TMEM60: variants seen among roughly 807,000 people sequenced by gnomAD.
TMEM60 encodes chromosome 7 open reading frame 35.
A neutral mutation model predicts 10.7 loss-of-function variants in TMEM60; 4 were observed. The observed-to-expected ratio is 0.37, with a 90% confidence interval of 0.18 to 0.86. The LOEUF (loss-of-function observed/expected upper bound fraction) is 0.86, where lower values mean the gene tolerates loss of function less well. Ranked by LOEUF, TMEM60 falls within the 40% of genes least tolerant of loss-of-function variation. The probability of loss-of-function intolerance (pLI) is 0.43; values close to 1 mark genes in which losing one functional copy is unlikely to be tolerated. For synonymous variants in TMEM60, 56 were observed against 58.1 expected, an observed-to-expected ratio of 0.96 and a Z score of 0.17; for missense variants, 128 against 153.4, an observed-to-expected ratio of 0.83 and a Z score of 0.88.
chr7:77,796,670 G>A (rs925719531), intron 1 of TMEM60, among the ~76,000 whole-genome samples: 13 of 152,034 alleles, frequency 8.6e-5, no homozygotes, highest in Non-Finnish European at 1.8e-4. Context: ...AGATGAGAGA[G>A]GATACTTGAT....
chr7:77,796,161 C>G (rs1205273723), intron 1 of TMEM60, among the ~76,000 whole-genome samples: 23 of 152,240 alleles, frequency 1.5e-4, no homozygotes. Context: ...TGATCTCGAA[C>G]TCCTGACCTC....
intron 1 of TMEM60, among the ~76,000 whole-genome samples, chr7:77,795,874 G>C (rs1792162605): frequency 1.3e-5 from 2 of 151,708 alleles, no homozygotes; most frequent in Non-Finnish European, 2.9e-5. Flanking sequence ...ATATGACTTA[G>C]TGTTGCTCTA....
rs1423959607 is a variant in TMEM60, at chr7:77,793,811, C to T, written c.*161G>A. 2.8e-6 allele frequency: 2 copies of T among 704,454 alleles called. No individual in the cohort carries two copies. The highest frequency in any genetic ancestry group is 3.7e-5 in the African/African-American group (2 of 54,390). The allele number at this position is 704,454 out of a possible 1,614,324, so 43.6% of individuals were successfully genotyped here. ...GCTGAATAATTAAGCTGTAGGTTGA[C>T]TAGAAGTCCGTGATTCACCAATCCT... On this transcript the variant is annotated 3_prime_UTR_variant, in exon 2 of 2. Transcript: ENST00000257663.
chr7:77,797,828 A>C (rs1054412720), intron 1 of TMEM60, among the ~76,000 whole-genome samples: 7 of 152,118 alleles, frequency 4.6e-5, no homozygotes, highest in Non-Finnish European at 7.4e-5. Context: ...CCTCATCCCA[A>C]AGATAATTTT....
At chr7:77,794,530 G>A (rs1792148091) in intron 1 of TMEM60, 107 bp from the exon 2 acceptor site, 1 of 674,818 alleles carries the variant, frequency 1.5e-6, no homozygotes, top group Non-Finnish European at 2.2e-6. Context: ...TCCTAATTTT[G>A]AAAACATTCT....
Position 77,794,194 on chromosome 7 carries a change from C to A in TMEM60, c.180G>T (p.Arg60=). Reference sequence around the variant, plus strand: ...GTCGAGGGTCAAAGCCAGACTTACACCGCCCAGCCATTTTCACAATCAGCA... The same window carrying A: ...GTCGAGGGTCAAAGCCAGACTTACAACGCCCAGCCATTTTCACAATCAGCA... ...LVLLIVKMAG[R]CKSGFDPRHG... Residue 60 remains arginine, a synonymous_variant, in exon 2 of 2, where the codon CGG becomes CGT. Transcript: ENST00000257663. The A allele has an allele frequency of 6.2e-7, 1 of 1,613,664 alleles. No homozygotes were observed. The highest frequency in any genetic ancestry group is 8.5e-7 in the Non-Finnish European group (1 of 1,179,892).
At chr7:77,794,966 G>T (rs1792152590) in intron 1 of TMEM60, among the ~76,000 whole-genome samples, 1 of 152,070 alleles carries the variant, frequency 6.6e-6, no homozygotes, top group Admixed American at 6.6e-5. Flanking sequence ...GACCAGCCAG[G>T]GCAAGAGTGA....
chr7:77,794,157 T>C lies in TMEM60; in HGVS notation c.217A>G (p.Asn73Asp). The stretch of plus-strand genomic sequence containing the variant: ...AGGTACCAGGCTTTTTTTTTAATAT[T>C]GTGTGATCCATGTCGAGGGTCAAAG... ...SGFDPRHGSHNIKKKAWYLIA... is the reference protein window; with the variant it reads ...SGFDPRHGSHDIKKKAWYLIA... Residue 73 changes from asparagine to aspartate, a missense_variant, in exon 2 of 2, where the codon AAT (asparagine) becomes GAT (aspartate). Coordinates refer to ENST00000257663, the MANE Select transcript of TMEM60 (RefSeq NM_032936.4). 1.2e-6 allele frequency: 2 copies of C among 1,613,342 alleles called. No individual in the cohort carries two copies. The highest frequency in any genetic ancestry group is 1.7e-6 in the Non-Finnish European group (2 of 1,179,884).
Position 77,793,970 on chromosome 7 carries a change from A to ATTCT in TMEM60, c.*1_*2insAGAA. The ATTCT allele has an allele frequency of 3.2e-6, 5 of 1,557,102 alleles. No individual in the cohort carries two copies. The highest frequency in any genetic ancestry group is 4.3e-6 in the Non-Finnish European group (5 of 1,155,886). On this transcript the variant is annotated 3_prime_UTR_variant, in exon 2 of 2. Coordinates refer to ENST00000257663, the MANE Select transcript of TMEM60 (RefSeq NM_032936.4). ...ATAGAAAGGAGATGATGTACTTAGA[A>ATTCT]GTCAGTCTCTCACAAAAAAGACATT...
Position 77,795,337 on chromosome 7 carries a change from T to C in TMEM60, c.-50-914A>G, listed in dbSNP as rs1006405913. Among the ~76,000 whole-genome samples the C allele has an allele frequency of 6.6e-5, 10 of 152,050 alleles. 1 individual carries two copies. Among genetic ancestry groups the C allele is most frequent in the African/African-American group, 2.4e-4 (10 of 41,390 alleles). On this transcript the variant is annotated intron_variant, in intron 1 of 1. Coordinates refer to ENST00000257663, the MANE Select transcript of TMEM60 (RefSeq NM_032936.4). ...GAGTTCAAGACTAGTCTGGGCAACA[T>C]GGCGAAACCCCGTCTCTACTAAAAA...
At chr7:77,795,940 A>ATT (rs59308242) in intron 1 of TMEM60, among the ~76,000 whole-genome samples, 4 of 146,078 alleles carry the variant, frequency 2.7e-5, no homozygotes, top group Non-Finnish European at 6.1e-5. Flanking sequence ...CTTTTCTAGA[A>ATT]TTTTTTTTTT....
chr7:77,796,539 T>C (rs971585212), intron 1 of TMEM60, among the ~76,000 whole-genome samples: 1 of 152,150 alleles, frequency 6.6e-6, no homozygotes, highest in African/African-American at 2.4e-5. Flanking sequence ...TTTTATTCCT[T>C]TGAGGCATTT....
At chr7:77,796,388 T>C (rs1327383315) in intron 1 of TMEM60, among the ~76,000 whole-genome samples, 2 of 152,234 alleles carry the variant, frequency 1.3e-5, no homozygotes, top group African/African-American at 4.8e-5. Flanking sequence ...GTTTATGATA[T>C]GTTCCTCTAC....
chr7:77,794,508 T>C (rs1792147795), intron 1 of TMEM60, 85 bp from the exon 2 acceptor site: 1 of 886,542 alleles, frequency 1.1e-6, no homozygotes, highest in African/African-American at 1.7e-5. Flanking sequence ...ACTGGTTCTT[T>C]CCCAACTGAC....
rs766647598 is a variant in TMEM60 at position 77,794,015 on chromosome 7, G to C, written c.359C>G (p.Ala120Gly). The C allele has an allele frequency of 1.9e-6, 3 of 1,597,332 alleles. No individual in the cohort carries two copies. In the East Asian group the frequency reaches 6.7e-5, roughly 36 times the overall value. Reference sequence around the variant, plus strand: ...GACATTATATCCGAGTTCTGTTAAAGCCCCAGCCAGCAAGGCCCATAAAGG... The same window carrying C: ...GACATTATATCCGAGTTCTGTTAAACCCCCAGCCAGCAAGGCCCATAAAGG... Reference protein sequence around the residue: ...FIPLWALLAGALTELGYNVFF... With the variant: ...FIPLWALLAGGLTELGYNVFF... The change falls in exon 2 of 2, where the codon GCT (alanine) becomes GGT (glycine). Residue 120 changes from alanine (A) to glycine (G), a missense_variant. Ala to Gly is a moderately conservative substitution (Grantham distance 60, BLOSUM62 0). Transcript: ENST00000257663.
intron 1 of TMEM60, among the ~76,000 whole-genome samples, chr7:77,796,905 C>G (rs922251151): frequency 6.6e-6 from 1 of 152,212 alleles, no homozygotes; most frequent in African/African-American, 2.4e-5. Context: ...GAGGACACAT[C>G]TGTTCTATTT....
intron 1 of TMEM60, among the ~76,000 whole-genome samples, chr7:77,798,021 T>C (rs982659114): frequency 2.6e-5 from 4 of 152,228 alleles, no homozygotes; most frequent in African/African-American, 9.6e-5. Context: ...ACACCGACAG[T>C]CGGCTCGCGG....
chr7:77,797,918 G>A (rs1425846874), intron 1 of TMEM60, among the ~76,000 whole-genome samples: 3 of 152,176 alleles, frequency 2.0e-5, no homozygotes, highest in African/African-American at 7.2e-5. Flanking sequence ...CTTGGCCAAA[G>A]GAACAGCGTT....
intron 1 of TMEM60, among the ~76,000 whole-genome samples, chr7:77,797,403 G>A (rs895875820): frequency 5.9e-5 from 9 of 152,128 alleles, no homozygotes; most frequent in African/African-American, 2.2e-4. Context: ...ACAAAATTCT[G>A]TTATGTTCTT....
Sources: allele counts gnomAD v4.1 joint callset (sites outside exome capture counted in the v4.1 genomes callset), GRCh38; gene constraint gnomAD v4.1.1; transcripts MANE v1.5; gene names NCBI Gene and HGNC (gene_info 2026-07-23, HGNC 2026-07-21).